The following DHX32 variants were observed in gnomAD, a reference collection of about 807,000 sequenced individuals.
DHX32 encodes the protein putative pre-mRNA-splicing factor ATP-dependent RNA helicase DHX32.
DHX32 carries 51 observed loss-of-function variants against 70.0 expected under a neutral mutation model. The observed-to-expected ratio is 0.73, with a 90% CI of 0.58 to 0.92. The LOEUF (loss-of-function observed/expected upper bound fraction) is 0.92. Ranked by LOEUF, DHX32 falls within the 40% of genes least tolerant of loss-of-function variation. The pLI is 0.00. For synonymous variants in DHX32, 310 were observed against 315.3 expected, an observed-to-expected ratio of 0.98 and a Z score of 0.18; for missense variants, 762 against 891.8, an observed-to-expected ratio of 0.85 and a Z score of 1.85.
intron 2 of DHX32, among the ~76,000 whole-genome samples, chr10:125,861,083 T>C (rs1944185304): frequency 6.6e-6 from 1 of 151,992 alleles, no homozygotes; most frequent in Admixed American, 6.5e-5. Context: ...CCATTTAAGG[T>C]ATTTACTTTT....
intron 1 of DHX32, among the ~76,000 whole-genome samples, chr10:125,887,982 A>C (rs1484941325): frequency 6.6e-6 from 1 of 152,144 alleles, no homozygotes; most frequent in Admixed American, 6.5e-5. Context: ...ACACTTCTTG[A>C]CTTGAACATT....
At chr10:125,867,272 G>T in intron 1 of DHX32, 89 bp from the exon 2 acceptor site, 1 of 1,175,802 alleles carries the variant, frequency 8.5e-7, no homozygotes, top group Non-Finnish European at 1.2e-6. Flanking sequence ...CATCTTATAA[G>T]TGATTTTCTT....
upstream of DHX32, among the ~76,000 whole-genome samples, chr10:125,885,454 T>A (rs984898311): frequency 6.6e-6 from 1 of 152,100 alleles, no homozygotes; most frequent in African/African-American, 2.4e-5. Flanking sequence ...CTAGCCACAG[T>A]CAGAGGAAAA....
In DHX32 at chr10:125,854,138, C is replaced by T. The variant is rs1209379933; in HGVS notation, c.915G>A (p.Leu305=). ...GSNLNPDLGE[L]VVVPLYPKEK... The stretch of plus-strand genomic sequence containing the variant: ...CTTTTGGATACAAAGGAACAACCAC[C>T]AGTTCTCCAAGATCTGGGTTTAGGT... The change falls in exon 4 of 11, where the codon CTG becomes CTA. Residue 305 remains leucine, a synonymous_variant. Coordinates refer to ENST00000284690, the MANE Select transcript of DHX32 (RefSeq NM_018180.3). The T allele has an allele frequency of 1.9e-6, 3 of 1,613,716 alleles. No homozygotes were observed. In the East Asian group the frequency reaches 6.7e-5, roughly 36 times the overall value.
chr10:125,836,942 T>G, intron 10 of DHX32, 87 bp from the exon 11 acceptor site: 1 of 1,163,658 alleles, frequency 8.6e-7, no homozygotes, highest in South Asian at 1.4e-5. Flanking sequence ...TTCCCATCCC[T>G]GGAGAATCTA....
At chr10:125,848,003 G>C (rs1944045025) in intron 6 of DHX32, among the ~76,000 whole-genome samples, 1 of 152,206 alleles carries the variant, frequency 6.6e-6, no homozygotes, top group South Asian at 2.1e-4. Flanking sequence ...CACTGCCTAG[G>C]GGTTGGGGAC....
rs1369890652 is a variant in DHX32 at position 125,854,047 on chromosome 10, C to T, written c.1006G>A (p.Val336Met). 2 of 1,613,996 alleles carry T rather than the reference C, an allele frequency of 1.2e-6. No homozygotes were observed. The highest frequency in any genetic ancestry group is 8.5e-7 in the Non-Finnish European group (1 of 1,180,008). ...EKRCQVYQRR[V>M]VLTTSSGEFL... ...TCTCCAGAGCTAGTAGTTAACACCACTCTTCTTTGATAAACTTGGCATCTT... is the reference window on the plus strand; with the variant it reads ...TCTCCAGAGCTAGTAGTTAACACCATTCTTCTTTGATAAACTTGGCATCTT... The change falls in exon 4 of 11, where the codon GTG becomes ATG. Residue 336 changes from valine to methionine, a missense_variant. Physicochemically the swap from Val to Met is conservative, Grantham distance 21 (BLOSUM62 1). Transcript: ENST00000284690.
intron 1 of DHX32, among the ~76,000 whole-genome samples, chr10:125,877,484 C>T (rs781010398): frequency 5.0e-4 from 76 of 152,082 alleles, no homozygotes; most frequent in Non-Finnish European, 6.9e-4. Context: ...CCCAGGAGTT[C>T]GAGACCAGCC....
chr10:125,880,958 GT>G lies in DHX32; in HGVS notation c.-135del. Reference sequence around the variant, plus strand: ...CCAATCTCTAAGACTTCAGTTCAAGGTTTTAGCAAGTTAAATTCCTCAAACC... The same window carrying G: ...CCAATCTCTAAGACTTCAGTTCAAGGTTTAGCAAGTTAAATTCCTCAAACC... On this transcript the variant is annotated 5_prime_UTR_variant, in exon 1 of 11. Coordinates refer to ENST00000284690, the MANE Select transcript of DHX32 (RefSeq NM_018180.3). The G allele has an allele frequency of 9.1e-7, 1 of 1,095,886 alleles. No homozygotes were observed. Among genetic ancestry groups the G allele is most frequent in the Non-Finnish European group, 1.3e-6 (1 of 775,002 alleles). 67.9% of individuals were successfully genotyped at this position (1,095,886 alleles called of 1,614,324 possible).
At chr10:125,876,058 G>T (rs1944281805) in intron 1 of DHX32, among the ~76,000 whole-genome samples, 1 of 152,118 alleles carries the variant, frequency 6.6e-6, no homozygotes, top group East Asian at 1.9e-4. Context: ...TCAGGTTTTT[G>T]TATTTCTGAC....
chr10:125,884,675 GA>G (rs1173184979), upstream of DHX32, among the ~76,000 whole-genome samples: 1 of 152,184 alleles, frequency 6.6e-6, no homozygotes, highest in Non-Finnish European at 1.5e-5. Flanking sequence ...AGTAATTCTA[GA>G]AATACAGTTC....
At position 125,836,781 on chromosome 10, in the gene DHX32, A is replaced by G. The variant is rs1854701979; in HGVS notation, c.2138T>C (p.Val713Ala). 8 of 1,613,972 alleles carry G rather than the reference A, an allele frequency of 5.0e-6. No homozygotes were observed. Among genetic ancestry groups the G allele is most frequent in the East Asian group, 2.2e-5 (1 of 44,872 alleles). ...PSESKDILQQVVDHLSPVSTM... is the reference protein window; with the variant it reads ...PSESKDILQQAVDHLSPVSTM... ...TGACACAGGGGATAGGTGATCCACT[A>G]CTTGCTGTAGAATGTCCTTACTTTC... The change falls in exon 11 of 11, where the codon GTA becomes GCA. Residue 713 changes from valine (V) to alanine (A), a missense_variant. Transcript: ENST00000284690.
intron 6 of DHX32, among the ~76,000 whole-genome samples, chr10:125,849,090 A>G (rs1000824898): frequency 1.3e-5 from 2 of 152,174 alleles, no homozygotes; most frequent in Non-Finnish European, 2.9e-5. Context: ...TTAATCATTA[A>G]TAGCATTCAT....
At position 125,852,614 on chromosome 10, in the gene DHX32, G is replaced by C. The variant is rs776137704; in HGVS notation, c.1121C>G (p.Ser374Trp). 1 of 1,612,286 alleles carries C rather than the reference G, an allele frequency of 6.2e-7. No individual in the cohort carries two copies. Among genetic ancestry groups the C allele is most frequent in the Non-Finnish European group, 8.5e-7 (1 of 1,179,626 alleles). Residue 374 changes from serine to tryptophan, a missense_variant, in exon 5 of 11, where the codon TCG becomes TGG. By Grantham distance (177) the Ser-to-Trp change is radical. This residue lies in a region of DHX32 where 394 missense variants were observed against 473.1 expected (regional missense o/e 0.83). Coordinates refer to ENST00000284690, the MANE Select transcript of DHX32 (RefSeq NM_018180.3). ...KVYNPRIRAN[S>W]LVMQPISQSQ... The stretch of plus-strand genomic sequence containing the variant: ...CTGGCTGATGGGCTGCATGACGAGC[G>C]AGTTTGCTCTTATTCTCGGGTTGTA...
chr10:125,840,136 C>G (rs767554810), intron 8 of DHX32, among the ~76,000 whole-genome samples: 1 of 152,238 alleles, frequency 6.6e-6, no homozygotes, highest in African/African-American at 2.4e-5. Context: ...AGGGACCTTA[C>G]TGGCTGCCCT....
Position 125,836,564 on chromosome 10 carries a change from T to A in DHX32, c.*123A>T. Reference sequence around the variant, plus strand: ...TATTTTAAAATAATATACACAGTGTTATTTTCTTCAAGACCGTCCTGTGGA... The same window carrying A: ...TATTTTAAAATAATATACACAGTGTAATTTTCTTCAAGACCGTCCTGTGGA... On this transcript the variant is annotated 3_prime_UTR_variant, in exon 11 of 11. Coordinates refer to ENST00000284690, the MANE Select transcript of DHX32 (RefSeq NM_018180.3). 1 of 1,368,010 alleles carries A rather than the reference T, an allele frequency of 7.3e-7. No homozygotes were observed. The allele number at this position is 1,368,010 out of a possible 1,614,324, so 84.7% of individuals were successfully genotyped here.
chr10:125,845,010 G>A (rs181725545), intron 6 of DHX32, among the ~76,000 whole-genome samples: 1 of 152,282 alleles, frequency 6.6e-6, no homozygotes, highest in East Asian at 1.9e-4. Context: ...GCTCCAATAT[G>A]TGCCTGCATT....
intron 4 of DHX32, 117 bp from the exon 5 acceptor site, chr10:125,852,759 C>T: frequency 1.1e-6 from 1 of 896,178 alleles, no homozygotes; most frequent in Non-Finnish European, 1.7e-6. Context: ...CTGCCACAGA[C>T]TCATTTTCTT....
Position 125,867,038 on chromosome 10 carries a change from C to T in DHX32, c.428G>A (p.Gly143Asp). The T allele has an allele frequency of 6.2e-7, 1 of 1,614,186 alleles. No homozygotes were observed. The highest frequency in any genetic ancestry group is 8.5e-7 in the Non-Finnish European group (1 of 1,180,024). The change falls in exon 2 of 11, where the codon GGC (glycine) becomes GAC (aspartate). Residue 143 changes from glycine (G) to aspartate (D), a missense_variant. Gly to Asp is a moderately conservative substitution (Grantham distance 94, BLOSUM62 -1). Coordinates refer to ENST00000284690, the MANE Select transcript of DHX32 (RefSeq NM_018180.3). ...GCAGTTCTCGAAAGGGATCACGTAG[C>T]CAACCTCATGACCAATGTTAACATC... ...EMDVNIGHEV[G>D]YVIPFENCCT...
Sources: gnomAD v4.1 joint callset for allele counts (sites outside exome capture counted in the v4.1 genomes callset) on GRCh38, gnomAD v4.1.1 for gene constraint, gnomAD v4.1.1 regional missense constraint, MANE v1.5 for transcripts, NCBI Gene and HGNC (gene_info 2026-07-23, HGNC 2026-07-21) for gene names.